Variants in EPN2 observed in about 807,000 individuals in gnomAD.
The protein encoded by EPN2 is epsin-2.
In EPN2, 34 loss-of-function variants were observed where a neutral mutation model predicts 61.7. The observed-to-expected ratio is 0.55, with a 90% CI of 0.42 to 0.73. The LOEUF (loss-of-function observed/expected upper bound fraction) is 0.73. Among genes scored for constraint, EPN2 ranks in the 30% least tolerant of loss-of-function variants. EPN2 has a pLI of 0.00. For missense variants in EPN2, 714 were observed against 839.2 expected, an observed-to-expected ratio of 0.85 and a Z score of 1.84; for synonymous variants, 349 against 353.6, an observed-to-expected ratio of 0.99 and a Z score of 0.15.
At chr17:19,261,213 A>G (rs1057167688) in intron 1 of EPN2, among the ~76,000 whole-genome samples, 11 of 152,174 alleles carry the variant, frequency 7.2e-5, no homozygotes, top group Non-Finnish European at 1.3e-4. Flanking sequence ...TTGCACTCCC[A>G]CTGGCGGTGT....
At chr17:19,295,100 A>T (rs1194926989) in intron 4 of EPN2, among the ~76,000 whole-genome samples, 1 of 152,084 alleles carries the variant, frequency 6.6e-6, no homozygotes, top group Admixed American at 6.6e-5. Context: ...ACTACCTGAA[A>T]TTCTCTTATT....
intron 4 of EPN2, among the ~76,000 whole-genome samples, chr17:19,287,471 G>T (rs1419894328): frequency 6.6e-6 from 1 of 152,146 alleles, no homozygotes; most frequent in Non-Finnish European, 1.5e-5. Flanking sequence ...CCGTCAGAGG[G>T]TAGGGGGCTG....
intron 7 of EPN2, among the ~76,000 whole-genome samples, chr17:19,315,198 C>A (rs574531975): frequency 1.3e-5 from 2 of 152,230 alleles, no homozygotes; most frequent in Non-Finnish European, 2.9e-5. Flanking sequence ...AAGTTATGCC[C>A]AGCCCCTCCT....
At chr17:19,315,640 C>T (rs892659654) in intron 7 of EPN2, among the ~76,000 whole-genome samples, 1 of 152,136 alleles carries the variant, frequency 6.6e-6, no homozygotes, top group Non-Finnish European at 1.5e-5. Flanking sequence ...GCTTGTGCCA[C>T]CACACCAACT....
At position 19,335,737 on chromosome 17, in the gene EPN2, C is replaced by G. The variant is rs1398749236; in HGVS notation, c.*1483C>G. 1.2e-5 allele frequency: 4 copies of G among 338,774 alleles called. No homozygotes were observed. The highest frequency in any genetic ancestry group is 1.6e-5 in the Non-Finnish European group (3 of 188,260). 21.0% of individuals were successfully genotyped at this position (338,774 alleles called of 1,614,324 possible). On this transcript the variant is annotated 3_prime_UTR_variant, in exon 11 of 11. Transcript: ENST00000314728. ...GTATTTTGGAGATGAAGAAAAAAGT[C>G]ATTCACCTGGGAGGGATTTTTAACA...
chr17:19,290,322 G>T (rs1312163432), intron 4 of EPN2, among the ~76,000 whole-genome samples: 7 of 152,194 alleles, frequency 4.6e-5, no homozygotes, highest in South Asian at 2.1e-4. Context: ...ACCATTTCCT[G>T]TTCTGTTCTG....
intron 1 of EPN2, chr17:19,249,483 A>G (rs1331613470): frequency 6.6e-6 from 1 of 152,162 alleles, no homozygotes; most frequent in Non-Finnish European, 1.5e-5. Flanking sequence ...AAGCAGCTCT[A>G]TTTTCCAGAA....
chr17:19,325,963 CAATA>C (rs1906849672), intron 7 of EPN2, among the ~76,000 whole-genome samples: 1 of 152,084 alleles, frequency 6.6e-6, no homozygotes, highest in East Asian at 1.9e-4. Flanking sequence ...TTCTGCATAA[CAATA>C]AATAGATTTC....
intron 7 of EPN2, among the ~76,000 whole-genome samples, chr17:19,321,076 A>G (rs1906616795): frequency 6.6e-6 from 1 of 152,198 alleles, no homozygotes; most frequent in African/African-American, 2.4e-5. Flanking sequence ...TGCCCTGAGA[A>G]GGGTTTTGAG....
intron 7 of EPN2, among the ~76,000 whole-genome samples, chr17:19,317,283 T>TG (rs1196028791): frequency 1.3e-5 from 2 of 152,150 alleles, no homozygotes; most frequent in Non-Finnish European, 2.9e-5. Flanking sequence ...GCCAGGTCAG[T>TG]GGGGCGCTTC....
rs529904622 is a variant in EPN2, at chr17:19,335,621, G to T, written c.*1367G>T. On this transcript the variant is annotated 3_prime_UTR_variant, in exon 11 of 11. Transcript: ENST00000314728. The stretch of plus-strand genomic sequence containing the variant: ...ACAGTCCCTAGGCTAAGACAGGGGT[G>T]GGGGGCTAAGGGACCAGGGCTGGCC... 3.5e-6 allele frequency: 2 copies of T among 575,836 alleles called. No individual in the cohort carries two copies. Among genetic ancestry groups the T allele is most frequent in the African/African-American group, 1.9e-5 (1 of 52,940 alleles). 35.7% of individuals were successfully genotyped at this position (575,836 alleles called of 1,614,324 possible). A position where few individuals can be genotyped will look rare whatever the true frequency, so the allele number is the denominator to read the frequency against.
intron 1 of EPN2, among the ~76,000 whole-genome samples, chr17:19,255,406 A>G (rs538068020): frequency 1.4e-4 from 21 of 151,026 alleles, no homozygotes; most frequent in Admixed American, 4.6e-4. Flanking sequence ...TCCACCCCCT[A>G]TTTCCTTATT....
chr17:19,276,127 G>T (rs560159276), intron 1 of EPN2, among the ~76,000 whole-genome samples: 148 of 152,280 alleles, frequency 9.7e-4, no homozygotes, highest in African/African-American at 3.2e-3. Context: ...GGCTGGTGGG[G>T]TGGTGGCCAG....
Position 19,335,512 on chromosome 17 carries a change from C to A in EPN2, c.*1258C>A. 6.5e-7 allele frequency: 1 copy of A among 1,528,550 alleles called. No homozygotes were observed. The highest frequency in any genetic ancestry group is 8.8e-7 in the Non-Finnish European group (1 of 1,132,720). The allele number at this position is 1,528,550 out of a possible 1,614,324, so 94.7% of individuals were successfully genotyped here. On this transcript the variant is annotated 3_prime_UTR_variant, in exon 11 of 11. Transcript: ENST00000314728. ...TCCTCTGTCTTAATCCACGCTCAGG[C>A]TAAAGATGGGGATAATGTGGAAATG...
Position 19,283,773 on chromosome 17 carries a change from G to A in EPN2, c.595+59G>A. 2 of 1,315,968 alleles carry A rather than the reference G, an allele frequency of 1.5e-6. No homozygotes were observed. The highest frequency in any genetic ancestry group is 5.1e-5 in the Admixed American group (2 of 39,350). 81.5% of individuals were successfully genotyped at this position (1,315,968 alleles called of 1,614,324 possible). A position where few individuals can be genotyped will look rare whatever the true frequency, so the allele number is the denominator to read the frequency against. ...GAGCAGCAGCAATGGGTGACAGGCAGGGTGGGTGTCTCTGGGCTTAGGGAG... is the reference window on the plus strand; with the variant it reads ...GAGCAGCAGCAATGGGTGACAGGCAAGGTGGGTGTCTCTGGGCTTAGGGAG... On this transcript the variant is annotated intron_variant, in intron 3 of 10. Transcript: ENST00000314728. The surrounding 1 kb of genome is among the most constrained non-coding windows in gnomAD (Gnocchi z 7.0).
intron 8 of EPN2, 129 bp from the exon 9 acceptor site, chr17:19,329,432 C>T (rs987563772): frequency 3.8e-5 from 24 of 628,046 alleles, no homozygotes; most frequent in Non-Finnish European, 5.1e-5. Context: ...TCAGAATTCT[C>T]CTCCATGAGG....
chr17:19,312,177 C>A, intron 6 of EPN2, 33 bp downstream of exon 6: 1 of 1,512,524 alleles, frequency 6.6e-7, no homozygotes, highest in Non-Finnish European at 9.2e-7. Context: ...GATGTTTCAC[C>A]CTGTCCTGTA....
At chr17:19,311,350 A>G (rs193228684) in intron 5 of EPN2, among the ~76,000 whole-genome samples, 2 of 152,282 alleles carry the variant, frequency 1.3e-5, no homozygotes, top group Non-Finnish European at 2.9e-5. Context: ...TATTTATAAT[A>G]AAATATAAGG....
intron 4 of EPN2, among the ~76,000 whole-genome samples, chr17:19,298,422 C>T (rs1387317156): frequency 6.6e-6 from 1 of 152,212 alleles, no homozygotes; most frequent in Non-Finnish European, 1.5e-5. Flanking sequence ...TCTCAAACTC[C>T]TGACCTCATG....
Sources: gnomAD v4.1 joint callset for allele counts (sites outside exome capture counted in the v4.1 genomes callset) on GRCh38, gnomAD v4.1.1 for gene constraint, Gnocchi (gnomAD v3.1) non-coding constraint, MANE v1.5 for transcripts, NCBI Gene and HGNC (gene_info 2026-07-23, HGNC 2026-07-21) for gene names.